Variants in LITAF observed in about 807,000 individuals in gnomAD.
The protein encoded by LITAF is lipopolysaccharide-induced tumor necrosis factor-alpha factor.
LITAF carries 9 observed loss-of-function variants against 14.5 expected under a neutral mutation model. The observed-to-expected ratio is 0.62, with a 90% CI of 0.37 to 1.08. The LOEUF (loss-of-function observed/expected upper bound fraction) is 1.08, where lower values mean the gene tolerates loss of function less well. Ranked by LOEUF, LITAF falls within the 50% of genes least tolerant of loss-of-function variation. The pLI, the probability that LITAF is intolerant of heterozygous loss-of-function variation, is 0.01. For synonymous variants in LITAF, 98 were observed against 88.2 expected (o/e 1.11, Z -0.62); for missense variants, 206 against 213.4 (o/e 0.97, Z 0.22).
intron 1 of LITAF, among the ~76,000 whole-genome samples, chr16:11,583,430 CAG>C (rs2064768119): frequency 6.6e-6 from 1 of 152,084 alleles, no homozygotes; most frequent in South Asian, 2.1e-4. Flanking sequence ...TTTCATCAAA[CAG>C]TGCAAGGAGA....
At position 11,549,867 on chromosome 16, in the gene LITAF, T is replaced by C. The variant is rs1339439460; in HGVS notation, c.378-122A>G. Reference sequence around the variant, plus strand: ...GTCTTTGCCAGTATAATTAGGAATTTTGAGATGGGATCATCTTGGATTATC... The same window carrying C: ...GTCTTTGCCAGTATAATTAGGAATTCTGAGATGGGATCATCTTGGATTATC... On this transcript the variant is annotated intron_variant, in intron 3 of 3. Transcript: ENST00000622633. This position sits in a 1 kb window ranked among gnomAD's most constrained non-coding sequence, Gnocchi z 4.6. The C allele has an allele frequency of 2.5e-6, 2 of 789,276 alleles. No individual in the cohort carries two copies. The highest frequency in any genetic ancestry group is 4.3e-6 in the Non-Finnish European group (2 of 462,512). The allele number at this position is 789,276 out of a possible 1,614,324, so 48.9% of individuals were successfully genotyped here.
intron 3 of LITAF, among the ~76,000 whole-genome samples, chr16:11,631,046 C>A (rs1341847995): frequency 1.3e-5 from 2 of 152,158 alleles, no homozygotes; most frequent in African/African-American, 2.4e-5. Flanking sequence ...TTGCAGAAAC[C>A]GAGGCTTAAC....
upstream of LITAF, among the ~76,000 whole-genome samples, chr16:11,637,782 G>A (rs958700636): frequency 1.3e-5 from 2 of 150,728 alleles, no homozygotes; most frequent in African/African-American, 4.9e-5. Flanking sequence ...TCCAGAGGCT[G>A]AGGTGGGAGC....
intron 1 of LITAF, among the ~76,000 whole-genome samples, chr16:11,572,519 C>T (rs1440021248): frequency 3.9e-5 from 6 of 152,140 alleles, no homozygotes; most frequent in East Asian, 3.9e-4. Context: ...CACCTGCTGA[C>T]GGGACATCAC....
chr16:11,639,614 A>AT (rs371188442), upstream of LITAF, among the ~76,000 whole-genome samples: 6 of 80,422 alleles, frequency 7.5e-5, no homozygotes, highest in East Asian at 2.3e-3. Context: ...TGGAAGAAAG[A>AT]TTTTTAAAAA....
At chr16:11,606,191 T>G (rs1366787519) in intron 3 of LITAF, among the ~76,000 whole-genome samples, 4 of 151,988 alleles carry the variant, frequency 2.6e-5, no homozygotes, top group Non-Finnish European at 4.4e-5. Flanking sequence ...TTTTTTGAGA[T>G]AAGGTCTGGC....
chr16:11,608,351 C>T (rs921460322), intron 3 of LITAF, among the ~76,000 whole-genome samples: 25 of 152,146 alleles, frequency 1.6e-4, no homozygotes, highest in African/African-American at 5.8e-4. Flanking sequence ...TGGATTCTAC[C>T]GGGTGTGGGG....
intron 1 of LITAF, among the ~76,000 whole-genome samples, chr16:11,568,657 C>CT (rs1302506572): frequency 2.0e-5 from 3 of 150,066 alleles, no homozygotes; most frequent in Non-Finnish European, 4.4e-5. Flanking sequence ...GCTTGTGACA[C>CT]TGAAGGTACA....
chr16:11,602,292 GTTA>G (rs927350395), upstream of LITAF, among the ~76,000 whole-genome samples: 1 of 152,144 alleles, frequency 6.6e-6, no homozygotes, highest in African/African-American at 2.4e-5. Context: ...GGAGGCGGAG[GTTA>G]CAGTGAGCTG....
At chr16:11,598,937 A>T (rs374115940), upstream of LITAF, among the ~76,000 whole-genome samples, 42 of 151,758 alleles carry the variant, frequency 2.8e-4, 1 homozygote, top group African/African-American at 9.0e-4. Context: ...CTCCTGCCTC[A>T]GCCTCTCAAG....
intron 1 of LITAF, among the ~76,000 whole-genome samples, chr16:11,564,167 C>T (rs1453352892): frequency 6.6e-6 from 1 of 152,102 alleles, no homozygotes; most frequent in Non-Finnish European, 1.5e-5. Flanking sequence ...ACCTCAGCCT[C>T]CCAAAATGCT....
intron 3 of LITAF, among the ~76,000 whole-genome samples, chr16:11,551,059 G>A (rs1204441246): frequency 6.6e-6 from 1 of 152,024 alleles, no homozygotes; most frequent in Non-Finnish European, 1.5e-5. Flanking sequence ...ATCCACCTTT[G>A]GCACACACAG....
At chr16:11,621,855 G>T (rs2065053375) in intron 3 of LITAF, among the ~76,000 whole-genome samples, 1 of 151,962 alleles carries the variant, frequency 6.6e-6, no homozygotes, top group Non-Finnish European at 1.5e-5. Flanking sequence ...CAGAGCTCCG[G>T]GGCAATGCAA....
rs549492447 is a variant in LITAF at position 11,553,553 on chromosome 16, G to A, written c.357C>T (p.Cys119=). ...YNAGALTWLS[C]GSLCLLGCIA... Reference sequence around the variant, plus strand: ...CTCACCCCAGCAGGCACAGGCTCCCGCAGGACAGCCAGGTCAGAGCACCGG... The same window carrying A: ...CTCACCCCAGCAGGCACAGGCTCCCACAGGACAGCCAGGTCAGAGCACCGG... Residue 119 remains cysteine (C), a synonymous_variant, in exon 3 of 4, where the codon TGC becomes TGT. Coordinates refer to ENST00000622633, the MANE Select transcript of LITAF (RefSeq NM_001136472.2). The surrounding 1 kb of genome is among the most constrained non-coding windows in gnomAD (Gnocchi z 7.7). 2.3e-4 allele frequency: 373 copies of A among 1,614,038 alleles called. 7 individuals are homozygous for A. In the Middle Eastern group the frequency reaches 3.5e-3, roughly 15 times the overall value.
intron 3 of LITAF, among the ~76,000 whole-genome samples, chr16:11,611,548 T>C (rs1275108387): frequency 6.6e-6 from 1 of 152,206 alleles, no homozygotes; most frequent in Non-Finnish European, 1.5e-5. Flanking sequence ...CCTATAACAA[T>C]ACTTTTTACC....
intron 2 of LITAF, among the ~76,000 whole-genome samples, chr16:11,635,195 G>C (rs1011332144): frequency 2.6e-5 from 4 of 152,338 alleles, no homozygotes; most frequent in Middle Eastern, 3.4e-3. Flanking sequence ...GTGGGCAAAA[G>C]AATCTATTAG....
upstream of LITAF, among the ~76,000 whole-genome samples, chr16:11,600,340 A>G (rs1221986433): frequency 6.6e-6 from 1 of 152,204 alleles, no homozygotes; most frequent in African/African-American, 2.4e-5. The surrounding 1 kb of genome is among the most constrained non-coding windows in gnomAD (Gnocchi z 4.1). Flanking sequence ...TCCCAGCTAG[A>G]GGGTCCCTGC....
upstream of LITAF, among the ~76,000 whole-genome samples, chr16:11,639,575 T>C (rs1012618508): frequency 6.6e-6 from 1 of 151,880 alleles, no homozygotes; most frequent in Non-Finnish European, 1.5e-5. Flanking sequence ...AACTTTTCTT[T>C]ATATTTGGAC....
In LITAF at chr16:11,632,103, G is replaced by A. The variant is rs895982218; in HGVS notation, c.85+1430C>T. On this transcript the variant is annotated intron_variant, in intron 3 of 3. Transcript: ENST00000574848. This position sits in a 1 kb window ranked among gnomAD's most constrained non-coding sequence, Gnocchi z 4.8. ...AGGATGGTCTTGATCTCCTGACCTCGTGATCCACCCGCCTCGGCCTCCCAA... is the reference window on the plus strand; with the variant it reads ...AGGATGGTCTTGATCTCCTGACCTCATGATCCACCCGCCTCGGCCTCCCAA... 2.7e-5 allele frequency among the ~76,000 whole-genome samples: 4 copies of A among 150,632 alleles called. No individual in the cohort carries two copies. The highest frequency in any genetic ancestry group is 2.0e-4 in the East Asian group (1 of 4,978).
Sources: gnomAD v4.1 joint callset for allele counts (sites outside exome capture counted in the v4.1 genomes callset) on GRCh38, gnomAD v4.1.1 for gene constraint, Gnocchi (gnomAD v3.1) non-coding constraint, MANE v1.5 for transcripts, NCBI Gene and HGNC (gene_info 2026-07-23, HGNC 2026-07-21) for gene names.